ERGIC1: variants seen among roughly 807,000 people sequenced by gnomAD.
ERGIC1 encodes the protein endoplasmic reticulum-golgi intermediate compartment 1, also known as endoplasmic reticulum-Golgi intermediate compartment protein 1.
ERGIC1 carries 19 observed loss-of-function variants against 38.3 expected under a neutral mutation model. The ratio of observed to expected loss-of-function variants is 0.50; its 90% CI spans 0.35 to 0.73. The LOEUF (loss-of-function observed/expected upper bound fraction) is 0.73, where lower values mean the gene tolerates loss of function less well. Among genes scored for constraint, ERGIC1 ranks in the 30% least tolerant of loss-of-function variants. The probability of loss-of-function intolerance (pLI) is 0.01; values close to 1 mark genes in which losing one functional copy is unlikely to be tolerated. For missense variants in ERGIC1, 294 were observed against 389.2 expected (o/e 0.76, Z 2.06); for synonymous variants, 124 against 157.6 (o/e 0.79, Z 1.60).
intron 2 of ERGIC1, among the ~76,000 whole-genome samples, chr5:172,893,935 G>GTGTGTGTGTGTGTGTATATATATATATA (rs1429850022): frequency 2.3e-5 from 1 of 42,836 alleles, no homozygotes; most frequent in Non-Finnish European, 4.6e-5. Context: ...GTGTGTGTGT[G>GTGTGTGTGTGTGTGTATATATATATATA]TATATATATA....
At chr5:172,856,916 G>A (rs1268835668) in intron 1 of ERGIC1, among the ~76,000 whole-genome samples, 1 of 152,200 alleles carries the variant, frequency 6.6e-6, no homozygotes, top group African/African-American at 2.4e-5. Flanking sequence ...ACGTAATTAA[G>A]CCGTGCATAC....
chr5:172,878,208 GGA>G (rs1326239423), intron 1 of ERGIC1, among the ~76,000 whole-genome samples: 1 of 152,156 alleles, frequency 6.6e-6, no homozygotes, highest in Non-Finnish European at 1.5e-5. Context: ...CAAGGTCTAG[GGA>G]GAGAGCTGCA....
At chr5:172,888,899 G>T in intron 2 of ERGIC1, 139 bp downstream of exon 2, 1 of 798,762 alleles carries the variant, frequency 1.3e-6, no homozygotes, top group Middle Eastern at 2.8e-4. Flanking sequence ...TCTTGCGGGG[G>T]CCCTTCAAGC....
chr5:172,913,997 G>A (rs1333147757), intron 4 of ERGIC1, among the ~76,000 whole-genome samples: 1 of 152,140 alleles, frequency 6.6e-6, no homozygotes, highest in Admixed American at 6.5e-5. Flanking sequence ...CACTTTGGGA[G>A]GCTGAGGCAG....
At chr5:172,839,240 C>CAAA (rs1265161853) in intron 1 of ERGIC1, among the ~76,000 whole-genome samples, 3 of 71,120 alleles carry the variant, frequency 4.2e-5, no homozygotes, top group South Asian at 4.5e-4. Flanking sequence ...GACTCTGTCT[C>CAAA]AAAAAAAAAA....
At chr5:172,858,925 C>G (rs936181691) in intron 1 of ERGIC1, among the ~76,000 whole-genome samples, 2 of 152,210 alleles carry the variant, frequency 1.3e-5, no homozygotes, top group Non-Finnish European at 2.9e-5. Flanking sequence ...CACACCAGGT[C>G]AAAAGGTCTG....
intron 1 of ERGIC1, among the ~76,000 whole-genome samples, chr5:172,842,690 T>C (rs792977): frequency 0.23 from 34,748 of 152,166 alleles, 4,422 homozygotes; most frequent in East Asian, 0.38. Context: ...TTTGTTTTTC[T>C]GGTAATAGCC....
At chr5:172,903,002 T>C (rs1762923671) in intron 3 of ERGIC1, among the ~76,000 whole-genome samples, 1 of 149,972 alleles carries the variant, frequency 6.7e-6, no homozygotes, top group East Asian at 2.0e-4. Flanking sequence ...GGCCCTTGCG[T>C]ACCTCTCCCT....
At chr5:172,919,045 G>A (rs485934) in intron 5 of ERGIC1, among the ~76,000 whole-genome samples, 2,120 of 152,258 alleles carry the variant, frequency 0.014, 45 homozygotes, top group African/African-American at 0.048. Flanking sequence ...TCCACCTCAC[G>A]CCTGGCTCTG....
At chr5:172,948,448 C>G (rs954468333) in intron 9 of ERGIC1, among the ~76,000 whole-genome samples, 4 of 152,226 alleles carry the variant, frequency 2.6e-5, no homozygotes, top group Non-Finnish European at 4.4e-5. Context: ...TGGCCGTCCA[C>G]CTGTGGTGCC....
chr5:172,908,316 G>GT (rs1303766138), intron 3 of ERGIC1, among the ~76,000 whole-genome samples: 2 of 9,288 alleles, frequency 2.2e-4, no homozygotes, highest in African/African-American at 9.9e-4. Context: ...CGGGGGGGGG[G>GT]GGAGAGAGGG....
chr5:172,853,644 A>G (rs1201067304), intron 1 of ERGIC1, among the ~76,000 whole-genome samples: 1 of 152,224 alleles, frequency 6.6e-6, no homozygotes, highest in African/African-American at 2.4e-5. Flanking sequence ...ATCAGGGTCC[A>G]GGCCTTGGTG....
chr5:172,842,776 C>G (rs576803728), intron 1 of ERGIC1, among the ~76,000 whole-genome samples: 1 of 152,322 alleles, frequency 6.6e-6, no homozygotes, highest in Admixed American at 6.5e-5. Context: ...TTTTGAGCAT[C>G]TTTTCAAGAT....
intron 1 of ERGIC1, among the ~76,000 whole-genome samples, chr5:172,877,458 A>ATTTT (rs56384349): frequency 7.5e-4 from 65 of 86,622 alleles, no homozygotes; most frequent in Admixed American, 9.9e-4. Context: ...ATATATATAT[A>ATTTT]TTTTTTTTTT....
chr5:172,865,364 G>C (rs984590299), intron 1 of ERGIC1, among the ~76,000 whole-genome samples: 1 of 152,158 alleles, frequency 6.6e-6, no homozygotes, highest in Non-Finnish European at 1.5e-5. Flanking sequence ...CCTATAGAAA[G>C]AAATTCTAAA....
intron 2 of ERGIC1, among the ~76,000 whole-genome samples, chr5:172,895,570 A>G (rs1024644882): frequency 2.0e-5 from 3 of 152,098 alleles, no homozygotes; most frequent in East Asian, 1.9e-4. Flanking sequence ...GTCTTTCTGG[A>G]TATCAGTCTA....
chr5:172,873,417 T>C (rs1284461232), intron 1 of ERGIC1, among the ~76,000 whole-genome samples: 1 of 152,166 alleles, frequency 6.6e-6, no homozygotes, highest in Non-Finnish European at 1.5e-5. Flanking sequence ...GGGAGGCAAG[T>C]GGGGGTGAGG....
chr5:172,890,684 C>A (rs1223506876), intron 2 of ERGIC1, among the ~76,000 whole-genome samples: 6 of 152,212 alleles, frequency 3.9e-5, no homozygotes, highest in African/African-American at 1.4e-4. Context: ...TCACAGCTCA[C>A]AGAAGATGGA....
chr5:172,855,171 T>TGGAA (rs763352244), intron 1 of ERGIC1, among the ~76,000 whole-genome samples: 14 of 152,146 alleles, frequency 9.2e-5, no homozygotes, highest in Non-Finnish European at 1.6e-4. Flanking sequence ...TGGAGTGGCA[T>TGGAA]TTCCCAGAAC....
Sources: gnomAD v4.1 joint callset for allele counts (sites outside exome capture counted in the v4.1 genomes callset) on GRCh38, gnomAD v4.1.1 for gene constraint, MANE v1.5 for transcripts, NCBI Gene and HGNC (gene_info 2026-07-23, HGNC 2026-07-21) for gene names.